The following MYO1B variants were observed in gnomAD, a reference collection of about 807,000 sequenced individuals.
The protein encoded by MYO1B is unconventional myosin-Ib.
MYO1B carries 72 observed loss-of-function variants against 159.7 expected under a neutral mutation model. The ratio of observed to expected loss-of-function variants is 0.45; its 90% CI spans 0.37 to 0.55. MYO1B has a LOEUF of 0.55. MYO1B is among the 20% of genes least tolerant of loss of function. The pLI, the probability that MYO1B is intolerant of heterozygous loss-of-function variation, is 0.00. For missense variants in MYO1B, 1,062 were observed against 1,364.8 expected (o/e 0.78, Z 3.50); for synonymous variants, 468 against 473.8 (o/e 0.99, Z 0.16).
At chr2:191,385,778 A>G in intron 15 of MYO1B, 106 bp from the exon 16 acceptor site, 1 of 1,199,944 alleles carries the variant, frequency 8.3e-7, no homozygotes. Context: ...AACTGAACAG[A>G]CTTTTCTTGT....
intron 26 of MYO1B, among the ~76,000 whole-genome samples, chr2:191,410,652 T>C (rs1697197593): frequency 6.6e-6 from 1 of 152,156 alleles, no homozygotes; most frequent in Non-Finnish European, 1.5e-5. Flanking sequence ...GAGTATTGTT[T>C]TGTGACGCTT....
intron 7 of MYO1B, among the ~76,000 whole-genome samples, chr2:191,360,129 A>G (rs531981666): frequency 1.3e-5 from 2 of 152,348 alleles, no homozygotes; most frequent in East Asian, 3.9e-4. Flanking sequence ...TGAGTTATGT[A>G]AACTCCTGGA....
intron 2 of MYO1B, among the ~76,000 whole-genome samples, chr2:191,293,410 C>T (rs575410615): frequency 3.3e-5 from 5 of 152,016 alleles, no homozygotes; most frequent in South Asian, 4.2e-4. Flanking sequence ...TTGGATCTCA[C>T]GCAAGAAAGA....
intron 29 of MYO1B, 103 bp from the exon 30 acceptor site, chr2:191,416,012 C>A: frequency 8.0e-7 from 1 of 1,244,922 alleles, no homozygotes; most frequent in Non-Finnish European, 1.1e-6. Context: ...ATTCCAGGAT[C>A]TGATGTTTTA....
At chr2:191,381,094 C>T in intron 13 of MYO1B, 1 of 335,266 alleles carries the variant, frequency 3.0e-6, no homozygotes, top group Non-Finnish European at 5.8e-6. Flanking sequence ...TGAAGTTTCA[C>T]CTGAGAATGG....
chr2:191,364,300 C>T lies in MYO1B; in HGVS notation c.1032+24C>T, dbSNP rs571286962. On this transcript the variant is annotated intron_variant, in intron 11 of 30. Transcript: ENST00000392318. Reference sequence around the variant, plus strand: ...AGGTGGGTGAAACATAATGTACAGACGAAAGTTTCTTAAAAGTCTGTGCTA... The same window carrying T: ...AGGTGGGTGAAACATAATGTACAGATGAAAGTTTCTTAAAAGTCTGTGCTA... 150 of 1,552,612 alleles carry T rather than the reference C, an allele frequency of 9.7e-5. 1 individual carries two copies. The South Asian group carries it at 1.3e-3, about 13-fold the overall frequency.
chr2:191,342,221 C>T (rs113995781), intron 5 of MYO1B, among the ~76,000 whole-genome samples: 7,931 of 152,284 alleles, frequency 0.052, 305 homozygotes, highest in Non-Finnish European at 0.077. Context: ...GACCTTTTCA[C>T]TGTGCTTGAG....
At chr2:191,398,341 G>A (rs1186923890) in intron 21 of MYO1B, among the ~76,000 whole-genome samples, 4 of 122,902 alleles carry the variant, frequency 3.3e-5, no homozygotes, top group African/African-American at 8.8e-5. Flanking sequence ...CGGGCAGGGG[G>A]GCTCCTCACT....
At chr2:191,379,134 C>T (rs1212739033) in intron 13 of MYO1B, 2 of 152,578 alleles carry the variant, frequency 1.3e-5, no homozygotes, top group African/African-American at 4.8e-5. Flanking sequence ...TTACACTGAT[C>T]AAAAATACAG....
chr2:191,269,974 A>G (rs1012315690), intron 1 of MYO1B, among the ~76,000 whole-genome samples: 1 of 152,196 alleles, frequency 6.6e-6, no homozygotes, highest in African/African-American at 2.4e-5. Flanking sequence ...TTGAGCTGTT[A>G]GACACAGCCA....
intron 1 of MYO1B, chr2:191,263,561 C>G (rs1250935202): frequency 6.5e-6 from 1 of 153,086 alleles, no homozygotes; most frequent in Non-Finnish European, 1.5e-5. Context: ...TTTTGATAAA[C>G]TACTTGTAGA....
intron 30 of MYO1B, 23 bp from the exon 31 acceptor site, chr2:191,423,813 AT>A: frequency 6.3e-7 from 1 of 1,598,736 alleles, no homozygotes; most frequent in South Asian, 1.1e-5. Context: ...GTATACTTTA[AT>A]TTGTTTTATT....
chr2:191,281,835 G>A (rs1049465374), intron 2 of MYO1B, among the ~76,000 whole-genome samples: 2 of 152,178 alleles, frequency 1.3e-5, no homozygotes, highest in Admixed American at 6.5e-5. Flanking sequence ...TGAATTGTAA[G>A]ATTGGGGATC....
At chr2:191,246,200 C>T (rs559940746) in intron 1 of MYO1B, 1 of 152,272 alleles carries the variant, frequency 6.6e-6, no homozygotes, top group South Asian at 2.1e-4. Context: ...TGCCCTGGGT[C>T]TCGTTTCCTG....
chr2:191,292,984 C>T (rs1180354917), intron 2 of MYO1B, among the ~76,000 whole-genome samples: 2 of 152,208 alleles, frequency 1.3e-5, no homozygotes, highest in Non-Finnish European at 2.9e-5. Flanking sequence ...TTAAGATGGC[C>T]TCACTCATGT....
Position 191,416,203 on chromosome 2 carries a change from GCCAAA to G in MYO1B, c.3255_3259del (p.Lys1086GlufsTer5). The stretch of plus-strand genomic sequence containing the variant: ...ACCAAGCTCTATCGCACAACTCTCA[GCCAAA>G]CCAAACAGAAGCTCAATATTGAGAT... On this transcript the variant is annotated frameshift_variant, in exon 30 of 31. Transcript: ENST00000392318. LOFTEE classifies it high-confidence loss of function. 1 of 1,614,116 alleles carries G rather than the reference GCCAAA, an allele frequency of 6.2e-7. No homozygotes were observed. The highest frequency in any genetic ancestry group is 8.5e-7 in the Non-Finnish European group (1 of 1,180,030).
chr2:191,370,228 C>T lies in MYO1B; in HGVS notation c.1121C>T (p.Ala374Val). The T allele has an allele frequency of 6.2e-7, 1 of 1,612,072 alleles. No individual in the cohort carries two copies. The highest frequency in any genetic ancestry group is 8.5e-7 in the Non-Finnish European group (1 of 1,178,926). The change falls in exon 13 of 31, where the codon GCA (alanine) becomes GTA (valine). Residue 374 changes from alanine to valine, a missense_variant and splice_region_variant. Physicochemically the swap from Ala to Val is moderately conservative, Grantham distance 64. Coordinates refer to ENST00000392318, the MANE Select transcript of MYO1B (RefSeq NM_001130158.3). ...CCTTTAATTTGAAACTTTTTAAAGGCACAAACAAAAGTGAGAAAGAAGGTC... is the reference window on the plus strand; with the variant it reads ...CCTTTAATTTGAAACTTTTTAAAGGTACAAACAAAAGTGAGAAAGAAGGTC... ...LVNRINESIK[A>V]QTKVRKKVMG...
In MYO1B at chr2:191,364,086, C is replaced by A. The variant is rs527745034; in HGVS notation, c.914-72C>A. 6.7e-6 allele frequency: 9 copies of A among 1,347,728 alleles called. No individual in the cohort carries two copies. In the East Asian group the frequency reaches 6.9e-5, roughly 10 times the overall value. The allele number at this position is 1,347,728 out of a possible 1,614,324, so 83.5% of individuals were successfully genotyped here. A position where few individuals can be genotyped will look rare whatever the true frequency, so the allele number is the denominator to read the frequency against. Reference sequence around the variant, plus strand: ...TTGATTATGATTTAGAAAGAACATCCTAAGCCTTCAAAATTATTATTAGCA... The same window carrying A: ...TTGATTATGATTTAGAAAGAACATCATAAGCCTTCAAAATTATTATTAGCA... On this transcript the variant is annotated intron_variant, in intron 10 of 30. Transcript: ENST00000392318.
chr2:191,365,488 A>G (rs904212490), intron 11 of MYO1B, among the ~76,000 whole-genome samples: 4 of 152,188 alleles, frequency 2.6e-5, no homozygotes, highest in South Asian at 2.1e-4. Flanking sequence ...GTTTGTAGCA[A>G]TCGTTTCCTA....
Sources: gnomAD v4.1 joint callset for allele counts (sites outside exome capture counted in the v4.1 genomes callset) on GRCh38, gnomAD v4.1.1 for gene constraint, MANE v1.5 for transcripts, NCBI Gene and HGNC (gene_info 2026-07-23, HGNC 2026-07-21) for gene names.